The following UPF2 variants were observed in gnomAD, a reference collection of about 807,000 sequenced individuals.
The protein encoded by UPF2 is UPF2 regulator of nonsense mediated mRNA decay.
Under a neutral mutation model 141.4 loss-of-function variants are expected in UPF2, and 17 were observed. The observed-to-expected ratio is 0.12, with a 90% CI of 0.08 to 0.18. UPF2 has a LOEUF of 0.18. Ranked by LOEUF, UPF2 falls within the 10% of genes least tolerant of loss-of-function variation. The pLI, the probability that UPF2 is intolerant of heterozygous loss-of-function variation, is 1.00. For missense variants in UPF2, 1,152 were observed against 1,515.9 expected (o/e 0.76, Z 3.99); for synonymous variants, 540 against 498.0 (o/e 1.08, Z -1.12).
chr10:11,941,411 TAAAG>T (rs902623093), intron 18 of UPF2, among the ~76,000 whole-genome samples: 2 of 152,212 alleles, frequency 1.3e-5, no homozygotes, highest in Non-Finnish European at 2.9e-5. Context: ...TTTTAATATA[TAAAG>T]AAAGAAGATC....
chr10:11,961,585 A>C (rs1833242544), intron 11 of UPF2, among the ~76,000 whole-genome samples: 1 of 151,946 alleles, frequency 6.6e-6, no homozygotes, highest in Non-Finnish European at 1.5e-5. Context: ...GCAGAGGGAG[A>C]TCACTGACAA....
rs760408883 is a variant in UPF2, at chr10:12,028,965, T to C, written c.925A>G (p.Ile309Val). ...RESHTHVSVV[I>V]SFCRHCGDDI... Reference sequence around the variant, plus strand: ...TCTCCACAATGTCGACAGAAACTAATCACTACAGAGACATGAGTGTGGGAC... The same window carrying C: ...TCTCCACAATGTCGACAGAAACTAACCACTACAGAGACATGAGTGTGGGAC... Residue 309 changes from isoleucine (I) to valine (V), a missense_variant, in exon 3 of 22, where the codon ATT (isoleucine) becomes GTT (valine). Physicochemically the swap from Ile to Val is conservative, Grantham distance 29 (BLOSUM62 3). This residue lies in a region of UPF2 where 739 missense variants were observed against 1,032.2 expected (regional missense o/e 0.72). Coordinates refer to ENST00000357604, the MANE Select transcript of UPF2 (RefSeq NM_015542.4). 3.8e-5 allele frequency: 62 copies of C among 1,614,070 alleles called. No individual in the cohort carries two copies. Among genetic ancestry groups the C allele is most frequent in the Non-Finnish European group, 4.7e-5 (55 of 1,180,042 alleles).
intron 9 of UPF2, among the ~76,000 whole-genome samples, chr10:11,969,861 GATA>G (rs1426447885): frequency 6.6e-6 from 1 of 152,110 alleles, no homozygotes; most frequent in Non-Finnish European, 1.5e-5. Flanking sequence ...TCTTAAATAA[GATA>G]ATACTTGTAA....
At chr10:12,023,950 C>T (rs969067673) in intron 3 of UPF2, among the ~76,000 whole-genome samples, 1 of 151,972 alleles carries the variant, frequency 6.6e-6, no homozygotes, top group African/African-American at 2.4e-5. Flanking sequence ...CAGCCTGCCA[C>T]TGCACTCCAG....
At chr10:12,008,355 G>A (rs1834069438) in intron 4 of UPF2, among the ~76,000 whole-genome samples, 1 of 152,056 alleles carries the variant, frequency 6.6e-6, no homozygotes, top group Admixed American at 6.6e-5. Flanking sequence ...CTCAGGCCAG[G>A]CGCAGTGGCT....
chr10:11,967,483 T>A, intron 9 of UPF2, 29 bp from the exon 10 acceptor site: 1 of 1,320,734 alleles, frequency 7.6e-7, no homozygotes, highest in Non-Finnish European at 1.0e-6. Context: ...AAGATAATGC[T>A]TAATCAACAT....
At chr10:12,030,479 G>A (rs1834499163) in intron 2 of UPF2, among the ~76,000 whole-genome samples, 1 of 151,876 alleles carries the variant, frequency 6.6e-6, no homozygotes, top group Admixed American at 6.6e-5. Context: ...GACTGATGCT[G>A]CAGTAAGCCA....
At chr10:11,961,050 A>T (rs1833232542) in intron 11 of UPF2, among the ~76,000 whole-genome samples, 1 of 150,250 alleles carries the variant, frequency 6.7e-6, no homozygotes, top group African/African-American at 2.5e-5. Flanking sequence ...TAATCACACC[A>T]CTGCACTCCA....
chr10:11,961,561 C>A (rs527530664), intron 11 of UPF2, among the ~76,000 whole-genome samples: 1 of 152,058 alleles, frequency 6.6e-6, no homozygotes, highest in South Asian at 2.1e-4. Flanking sequence ...GGTGAGAAGG[C>A]TGGGTTTAAG....
chr10:11,934,472 G>C (rs942208474), intron 19 of UPF2, among the ~76,000 whole-genome samples: 4 of 152,222 alleles, frequency 2.6e-5, no homozygotes, highest in Non-Finnish European at 5.9e-5. Flanking sequence ...AGGCAAGGCC[G>C]GACGATGGCA....
chr10:11,927,723 T>C lies in UPF2; in HGVS notation c.3809+2142A>G, dbSNP rs2131147899. Among the ~76,000 whole-genome samples the C allele has an allele frequency of 1.3e-5, 2 of 152,308 alleles. 1 individual carries two copies. Among genetic ancestry groups the C allele is most frequent in the African/African-American group, 4.8e-5 (2 of 41,566 alleles). On this transcript the variant is annotated intron_variant, in intron 21 of 21. Coordinates refer to ENST00000357604, the MANE Select transcript of UPF2 (RefSeq NM_015542.4). The stretch of plus-strand genomic sequence containing the variant: ...TCCAACTTGGATTTTTTTTTTAAAT[T>C]ATACTCAACAGATGCTAAAGAACAG...
chr10:12,004,018 T>C (rs1422525436), intron 5 of UPF2, among the ~76,000 whole-genome samples: 2 of 149,760 alleles, frequency 1.3e-5, no homozygotes, highest in Admixed American at 6.7e-5. Context: ...TGAGAGAGGA[T>C]GGGAGTTAGA....
intron 1 of UPF2, among the ~76,000 whole-genome samples, chr10:12,038,539 G>A (rs544293079): frequency 6.6e-6 from 1 of 152,092 alleles, no homozygotes; most frequent in Admixed American, 6.6e-5. Flanking sequence ...GACCAGCCTG[G>A]CCAACATGTG....
At chr10:11,955,752 A>T (rs887656508) in intron 13 of UPF2, among the ~76,000 whole-genome samples, 1 of 152,224 alleles carries the variant, frequency 6.6e-6, no homozygotes, top group African/African-American at 2.4e-5. Flanking sequence ...CATTACATGA[A>T]TTGTTTCTAA....
At chr10:12,034,324 T>TA (rs112617213) in intron 2 of UPF2, among the ~76,000 whole-genome samples, 122,974 of 146,306 alleles carry the variant, frequency 0.84, 50,725 homozygotes, top group Non-Finnish European at 0.9. Flanking sequence ...ATTTTATTAT[T>TA]TTATTTTTTT....
intron 16 of UPF2, among the ~76,000 whole-genome samples, chr10:11,946,444 C>T (rs1280998256): frequency 6.6e-6 from 1 of 152,144 alleles, no homozygotes; most frequent in Non-Finnish European, 1.5e-5. Context: ...AACCAACATT[C>T]TCAAAATATT....
At chr10:11,938,869 T>TTTTTTTTTTTTG (rs1564337886) in intron 18 of UPF2, among the ~76,000 whole-genome samples, 5 of 104,746 alleles carry the variant, frequency 4.8e-5, no homozygotes, top group African/African-American at 1.0e-4. Flanking sequence ...TTTTTTTTTT[T>TTTTTTTTTTTTG]TTTTTTTTTT....
intron 4 of UPF2, among the ~76,000 whole-genome samples, chr10:12,011,736 G>A (rs1834131012): frequency 6.6e-6 from 1 of 151,068 alleles, no homozygotes; most frequent in South Asian, 2.1e-4. Context: ...ACCTGAGGTT[G>A]GGAGTTCGAG....
chr10:12,000,060 A>G (rs1426449404), intron 6 of UPF2, 51 bp from the exon 7 acceptor site: 3 of 1,428,458 alleles, frequency 2.1e-6, no homozygotes, highest in South Asian at 2.5e-5. Flanking sequence ...AGAACACAGA[A>G]TAAAAACATC....
Sources: gnomAD v4.1 joint callset for allele counts (sites outside exome capture counted in the v4.1 genomes callset) on GRCh38, gnomAD v4.1.1 for gene constraint, gnomAD v4.1.1 regional missense constraint, MANE v1.5 for transcripts, NCBI Gene and HGNC (gene_info 2026-07-23, HGNC 2026-07-21) for gene names.